The following ANKRD36C variants were observed in gnomAD, a reference collection of about 807,000 sequenced individuals.
ANKRD36C encodes ankyrin repeat domain-containing protein 36C.
In ANKRD36C, 61 loss-of-function variants were observed where a neutral mutation model predicts 276.4. The observed-to-expected ratio is 0.22, with a 90% confidence interval of 0.18 to 0.27. The LOEUF is 0.27. ANKRD36C is among the 10% of genes least tolerant of loss of function. The probability of loss-of-function intolerance (pLI) is 1.00; values close to 1 mark genes in which losing one functional copy is unlikely to be tolerated. For missense variants in ANKRD36C, 1,447 were observed against 2,032.3 expected, an observed-to-expected ratio of 0.71 and a Z score of 5.54; for synonymous variants, 483 against 680.1, an observed-to-expected ratio of 0.71 and a Z score of 4.51.
At chr2:95,911,677 T>C (rs1346743709) in intron 42 of ANKRD36C, among the ~76,000 whole-genome samples, 1 of 151,484 alleles carries the variant, frequency 6.6e-6, no homozygotes, top group African/African-American at 2.4e-5. Context: ...ACAATTACTG[T>C]TTATGCAAAT....
rs748372139 is a variant in ANKRD36C, at chr2:95,921,836, C to T, written c.2144-26G>A. On this transcript the variant is annotated intron_variant, in intron 32 of 66. Coordinates refer to ENST00000456556, the Ensembl canonical transcript of ANKRD36C. ...CTGAAAAACAAAAGGGATAATCACT[C>T]ATATGTAAATATGATACATTTTCCA... 20 of 1,586,978 alleles carry T rather than the reference C, an allele frequency of 1.3e-5. No individual in the cohort carries two copies. In the Admixed American group the frequency reaches 3.0e-4, roughly 24 times the overall value.
intron 59 of ANKRD36C, among the ~76,000 whole-genome samples, chr2:95,872,990 A>C (rs1249923350): frequency 1.3e-5 from 2 of 152,228 alleles, no homozygotes; most frequent in Non-Finnish European, 2.9e-5. Flanking sequence ...CTCTGAATAG[A>C]CCAATAACAG....
chr2:95,889,409 T>C (rs1676278728), intron 48 of ANKRD36C, among the ~76,000 whole-genome samples: 1 of 151,628 alleles, frequency 6.6e-6, no homozygotes, highest in African/African-American at 2.4e-5. Context: ...GTTTTTGTGG[T>C]ATTAGGATCA....
chr2:95,948,598 T>C lies in ANKRD36C; in HGVS notation c.1296-2A>G. The C allele has an allele frequency of 2.6e-6, 4 of 1,524,520 alleles. No homozygotes were observed. The highest frequency in any genetic ancestry group is 3.5e-6 in the Non-Finnish European group (4 of 1,142,988). 94.4% of individuals were successfully genotyped at this position (1,524,520 alleles called of 1,614,324 possible). ...AAACGGTCCAGTAGGTAGAGACACC[T>C]ACAGAGCAAAAAGATATGAAAAAAA... On this transcript the variant is annotated splice_acceptor_variant, in intron 16 of 66. Coordinates refer to ENST00000456556, the Ensembl canonical transcript of ANKRD36C. LOFTEE classifies it high-confidence loss of function.
exon 63 of ANKRD36C, chr2:95,855,311 C>A (rs180913069): frequency 6.2e-7 from 1 of 1,601,830 alleles, no homozygotes; most frequent in East Asian, 2.2e-5. Flanking sequence ...TTTTTTCTTT[C>A]GAATGATTCA....
chr2:95,857,740 G>GC (rs1558617131), intron 61 of ANKRD36C, among the ~76,000 whole-genome samples: 2 of 149,194 alleles, frequency 1.3e-5, no homozygotes, highest in East Asian at 3.9e-4. Flanking sequence ...CCTTGAAATT[G>GC]CCCTGCAAAG....
At chr2:95,889,666 T>C in intron 48 of ANKRD36C, 133 bp downstream of exon 68, 1 of 1,302,398 alleles carries the variant, frequency 7.7e-7, no homozygotes, top group Non-Finnish European at 1.1e-6. Context: ...TGAGAACTTA[T>C]TACAAATGAA....
At chr2:95,859,422 G>T (rs1490365348) in intron 61 of ANKRD36C, among the ~76,000 whole-genome samples, 2 of 151,974 alleles carry the variant, frequency 1.3e-5, no homozygotes, top group East Asian at 1.9e-4. Flanking sequence ...ACATTCTTAA[G>T]AACAATTTAG....
At chr2:95,918,252 A>G (rs553841567) in intron 34 of ANKRD36C, among the ~76,000 whole-genome samples, 17 of 151,778 alleles carry the variant, frequency 1.1e-4, no homozygotes, top group African/African-American at 4.1e-4. Flanking sequence ...TTACAATTTC[A>G]AACACGGTAT....
At chr2:95,976,735 T>C (rs1258423994) in intron 6 of ANKRD36C, among the ~76,000 whole-genome samples, 2 of 152,104 alleles carry the variant, frequency 1.3e-5, no homozygotes, top group African/African-American at 4.8e-5. Context: ...TAGCCCACAT[T>C]ACACCTCAAA....
At chr2:95,861,727 A>G (rs554354001) in intron 60 of ANKRD36C, among the ~76,000 whole-genome samples, 12 of 152,292 alleles carry the variant, frequency 7.9e-5, no homozygotes, top group African/African-American at 2.9e-4. Flanking sequence ...CAGCTACCAG[A>G]CAAACATAAC....
intron 64 of ANKRD36C, 80 bp from the exon 85 acceptor site, chr2:95,852,276 A>G: frequency 1.1e-6 from 1 of 916,278 alleles, no homozygotes; most frequent in Non-Finnish European, 1.7e-6. Context: ...AACAAAATGT[A>G]TATAAAATAT....
chr2:95,891,420 C>G (rs947209383), intron 46 of ANKRD36C, among the ~76,000 whole-genome samples: 1 of 151,402 alleles, frequency 6.6e-6, no homozygotes, highest in Non-Finnish European at 1.5e-5. Context: ...GCCCCTTATG[C>G]CTTGAACTGC....
At chr2:95,961,116 T>C (rs1219481633) in intron 8 of ANKRD36C, among the ~76,000 whole-genome samples, 3 of 152,152 alleles carry the variant, frequency 2.0e-5, no homozygotes, top group Non-Finnish European at 2.9e-5. Context: ...TGCCTGACAA[T>C]TGAGCAGGTA....
intron 36 of ANKRD36C, among the ~76,000 whole-genome samples, chr2:95,916,776 A>T (rs1383685976): frequency 2.0e-5 from 3 of 151,652 alleles, no homozygotes; most frequent in Non-Finnish European, 4.4e-5. Flanking sequence ...AATTTGCCTA[A>T]GTTTCTTGGA....
chr2:95,917,737 G>T, intron 36 of ANKRD36C, 118 bp downstream of exon 38: 1 of 1,307,292 alleles, frequency 7.6e-7, no homozygotes, highest in Non-Finnish European at 1.0e-6. Flanking sequence ...AGGACTGCTG[G>T]ATCAGAATGT....
In ANKRD36C at chr2:95,919,938, T is replaced by C. The variant is rs1203621238; in HGVS notation, c.2245+1669A>G. The C allele has an allele frequency of 4.5e-5, 69 of 1,538,410 alleles. 1 individual carries two copies. The highest frequency in any genetic ancestry group is 6.0e-5 in the Non-Finnish European group (69 of 1,142,412). ...AGAAGACACTGAAAAGCAAAAGGGA[T>C]ACATAATCACTCATATATAAATATG... On this transcript the variant is annotated intron_variant, in intron 34 of 66. Coordinates refer to ENST00000456556, the Ensembl canonical transcript of ANKRD36C.
At chr2:95,931,589 T>C (rs1677572086) in intron 24 of ANKRD36C, among the ~76,000 whole-genome samples, 1 of 149,840 alleles carries the variant, frequency 6.7e-6, no homozygotes, top group Non-Finnish European at 1.5e-5. Context: ...CTTCTTTAAC[T>C]ACAATGACAG....
At chr2:95,944,240 C>G (rs1325766604) in intron 19 of ANKRD36C, among the ~76,000 whole-genome samples, 1 of 152,190 alleles carries the variant, frequency 6.6e-6, no homozygotes, top group African/African-American at 2.4e-5. Context: ...TTATTCAACT[C>G]TGTATTCTTA....
Sources: gnomAD v4.1 joint callset for allele counts (sites outside exome capture counted in the v4.1 genomes callset) on GRCh38, gnomAD v4.1.1 for gene constraint, MANE v1.5 for transcripts, NCBI Gene and HGNC (gene_info 2026-07-23, HGNC 2026-07-21) for gene names.